Variants in PRKCH observed in about 807,000 individuals in gnomAD.
The protein encoded by PRKCH is protein kinase C eta.
Under a neutral mutation model 82.5 loss-of-function variants are expected in PRKCH, and 28 were observed. The ratio of observed to expected loss-of-function variants is 0.34; its 90% CI spans 0.25 to 0.47. PRKCH has a LOEUF of 0.47. Ranked by LOEUF, PRKCH falls within the 20% of genes least tolerant of loss-of-function variation. PRKCH has a pLI of 1.00. For missense variants in PRKCH, 705 were observed against 881.8 expected, an observed-to-expected ratio of 0.80 and a Z score of 2.54; for synonymous variants, 322 against 327.4, an observed-to-expected ratio of 0.98 and a Z score of 0.18.
chr14:61,391,783 A>T (rs1200669907), intron 2 of PRKCH, among the ~76,000 whole-genome samples: 1 of 152,186 alleles, frequency 6.6e-6, no homozygotes, highest in Non-Finnish European at 1.5e-5. Flanking sequence ...GGTAAAATTT[A>T]TATGGGGGTG....
intron 10 of PRKCH, among the ~76,000 whole-genome samples, chr14:61,505,370 TTTGTC>T (rs1887091797): frequency 6.7e-6 from 1 of 148,666 alleles, no homozygotes; most frequent in Non-Finnish European, 1.5e-5. Flanking sequence ...CTCTCTAGGA[TTTGTC>T]TTTTCTTTTC....
chr14:61,334,312 A>C (rs2045826008), intron 1 of PRKCH, among the ~76,000 whole-genome samples: 1 of 152,168 alleles, frequency 6.6e-6, no homozygotes, highest in Non-Finnish European at 1.5e-5. Flanking sequence ...GGAGGTGGAT[A>C]ACAAGCAGGC....
At chr14:61,534,387 C>G (rs2043081165) in intron 12 of PRKCH, among the ~76,000 whole-genome samples, 1 of 152,208 alleles carries the variant, frequency 6.6e-6, no homozygotes, top group South Asian at 2.1e-4. Context: ...TTTGGCTGCA[C>G]AGGGCCAGAT....
intron 1 of PRKCH, among the ~76,000 whole-genome samples, chr14:61,350,832 G>C (rs1243318902): frequency 1.3e-5 from 2 of 152,146 alleles, no homozygotes. Context: ...TGCTGTTATA[G>C]ATCTTACAGT....
In PRKCH at chr14:61,433,686, A is replaced by C. The variant is rs1883529906; in HGVS notation, c.428-9425A>C. ...ATAATGTATACATACTTTATGAAAT[A>C]TGATTAAATGGTAACTTTAGTATTA... On this transcript the variant is annotated intron_variant, in intron 2 of 13. Transcript: ENST00000332981. Among the ~76,000 whole-genome samples the C allele has an allele frequency of 2.6e-5, 4 of 152,238 alleles. No homozygotes were observed. In the South Asian group the frequency reaches 8.3e-4, roughly 31 times the overall value.
chr14:61,253,980 TCCC>T (rs1566795814), intron 1 of PRKCH, among the ~76,000 whole-genome samples: 3 of 31,166 alleles, frequency 9.6e-5, no homozygotes, highest in Admixed American at 3.5e-4. Flanking sequence ...CCCTCCCTCC[TCCC>T]TCCCTCCCTC....
intron 1 of PRKCH, among the ~76,000 whole-genome samples, chr14:61,201,428 C>A (rs2044480570): frequency 6.6e-6 from 1 of 152,042 alleles, no homozygotes; most frequent in African/African-American, 2.4e-5. Context: ...CTATGTTATC[C>A]AATCAGCAAT....
intron 10 of PRKCH, among the ~76,000 whole-genome samples, chr14:61,512,386 C>T (rs1242400712): frequency 6.6e-6 from 1 of 151,694 alleles, no homozygotes; most frequent in Admixed American, 6.6e-5. Context: ...AACTGTGTTC[C>T]CAAACTGCCT....
At chr14:61,362,356 A>G (rs1162477244) in intron 1 of PRKCH, among the ~76,000 whole-genome samples, 1 of 151,864 alleles carries the variant, frequency 6.6e-6, no homozygotes, top group East Asian at 1.9e-4. Context: ...AAAAAAAAAA[A>G]AAAGGAAACA....
chr14:61,463,718 T>C (rs74770058), intron 9 of PRKCH, among the ~76,000 whole-genome samples: 2 of 152,136 alleles, frequency 1.3e-5, no homozygotes, highest in East Asian at 3.8e-4. Context: ...TATATTTTTT[T>C]GGTCAACATC....
At chr14:61,431,251 G>A (rs1258563385) in intron 2 of PRKCH, among the ~76,000 whole-genome samples, 1 of 152,184 alleles carries the variant, frequency 6.6e-6, no homozygotes, top group Non-Finnish European at 1.5e-5. Flanking sequence ...CCAAGTGCTG[G>A]CAGGCCACTG....
chr14:61,387,637 G>GC, intron 1 of PRKCH, among the ~76,000 whole-genome samples: 1 of 152,292 alleles, frequency 6.6e-6, no homozygotes, highest in African/African-American at 2.4e-5. Context: ...AATGATAACA[G>GC]CCCATCAGCA....
intron 2 of PRKCH, among the ~76,000 whole-genome samples, chr14:61,409,127 C>T (rs913270938): frequency 2.0e-5 from 3 of 152,162 alleles, no homozygotes; most frequent in Non-Finnish European, 4.4e-5. Context: ...TTGATGCCAC[C>T]GCATTGCCTC....
intron 1 of PRKCH, among the ~76,000 whole-genome samples, chr14:61,230,297 A>G (rs568476661): frequency 6.6e-6 from 1 of 152,146 alleles, no homozygotes; most frequent in African/African-American, 2.4e-5. Context: ...AGACTCTGTT[A>G]TTTCAGTTTT....
rs1037393117 is a variant in PRKCH at position 61,529,361 on chromosome 14, C to T, written c.1572+148C>T. On this transcript the variant is annotated intron_variant, in intron 11 of 13. Transcript: ENST00000332981. ...GACACCTCTAGACTCATTTATGGCT[C>T]ATTGGGTGAATGATGGCTGAAAATG... 4 of 847,376 alleles carry T rather than the reference C, an allele frequency of 4.7e-6. No individual in the cohort carries two copies. In the African/African-American group the frequency reaches 7.0e-5, roughly 15 times the overall value. The allele number at this position is 847,376 out of a possible 1,614,324, so 52.5% of individuals were successfully genotyped here. A position where few individuals can be genotyped will look rare whatever the true frequency, so the allele number is the denominator to read the frequency against.
chr14:61,270,916 G>A (rs554675776), intron 1 of PRKCH, among the ~76,000 whole-genome samples: 2 of 152,308 alleles, frequency 1.3e-5, no homozygotes, highest in East Asian at 1.9e-4. Context: ...CAAGGCTGCC[G>A]TGAGCTGTGA....
At chr14:61,403,568 TG>T (rs1394614547) in intron 2 of PRKCH, among the ~76,000 whole-genome samples, 2 of 152,238 alleles carry the variant, frequency 1.3e-5, no homozygotes, top group African/African-American at 2.4e-5. Context: ...AAGCCTGTGG[TG>T]GTTTCTAACT....
chr14:61,337,978 T>C (rs1047994842), intron 1 of PRKCH, among the ~76,000 whole-genome samples: 3 of 152,198 alleles, frequency 2.0e-5, no homozygotes, highest in Non-Finnish European at 4.4e-5. Context: ...AATATATTGT[T>C]TTTGAGTCTC....
At chr14:61,205,484 G>A (rs184491795) in intron 1 of PRKCH, among the ~76,000 whole-genome samples, 15 of 152,200 alleles carry the variant, frequency 9.9e-5, no homozygotes, top group Admixed American at 4.6e-4. Flanking sequence ...GGGCTTCCAG[G>A]GGAGAGGCAA....
Sources: allele counts gnomAD v4.1 joint callset (sites outside exome capture counted in the v4.1 genomes callset), GRCh38; gene constraint gnomAD v4.1.1; transcripts MANE v1.5; gene names NCBI Gene and HGNC (gene_info 2026-07-23, HGNC 2026-07-21).